Variants in PTPRR observed in about 807,000 individuals in gnomAD.
PTPRR encodes receptor-type tyrosine-protein phosphatase R.
A neutral mutation model predicts 77.2 loss-of-function variants in PTPRR; 38 were observed. That is an observed-to-expected ratio of 0.49 (90% CI 0.38 to 0.65). The LOEUF is 0.65. PTPRR is among the 30% of genes least tolerant of loss of function. PTPRR has a pLI of 0.00. For missense variants in PTPRR, 744 were observed against 799.2 expected (o/e 0.93, Z 0.83); for synonymous variants, 299 against 283.1 (o/e 1.06, Z -0.57).
At chr12:70,848,185 TAAAATATAATGACTTGA>T (rs1215252488) in intron 2 of PTPRR, among the ~76,000 whole-genome samples, 1 of 152,176 alleles carries the variant, frequency 6.6e-6, no homozygotes, top group Non-Finnish European at 1.5e-5. Context: ...ACTCTAAAAA[TAAAATATAATGACTTGA>T]TGTGTAGACA....
intron 1 of PTPRR, among the ~76,000 whole-genome samples, chr12:70,893,725 T>A (rs993912183): frequency 1.3e-5 from 2 of 151,892 alleles, no homozygotes; most frequent in African/African-American, 4.8e-5. Context: ...GGTAGGAGCA[T>A]GAGGTAGAAA....
intron 2 of PTPRR, among the ~76,000 whole-genome samples, chr12:70,850,921 CTGAG>C (rs749480257): frequency 3.9e-5 from 6 of 152,096 alleles, no homozygotes; most frequent in African/African-American, 7.2e-5. Flanking sequence ...GCTAACTCTT[CTGAG>C]TGTTTCTCCT....
Position 70,902,368 on chromosome 12 carries a change from C to A in PTPRR, c.59-9391G>T, listed in dbSNP as rs139977324. 3.9e-3 allele frequency among the ~76,000 whole-genome samples: 585 copies of A among 151,876 alleles called. 3 individuals carry two copies. Among genetic ancestry groups the A allele is most frequent in the Admixed American group, 0.013 (195 of 15,206 alleles). Reference sequence around the variant, plus strand: ...TATGAAAAAGATACTTGCAAACACACGTTTATAGCAGCACAATTCGCAATT... The same window carrying A: ...TATGAAAAAGATACTTGCAAACACAAGTTTATAGCAGCACAATTCGCAATT... On this transcript the variant is annotated intron_variant, in intron 1 of 13. Coordinates refer to ENST00000283228, the MANE Select transcript of PTPRR (RefSeq NM_002849.4).
intron 2 of PTPRR, among the ~76,000 whole-genome samples, chr12:70,793,933 G>A (rs1015490954): frequency 6.6e-6 from 1 of 152,090 alleles, no homozygotes; most frequent in Non-Finnish European, 1.5e-5. Context: ...TCAAAATGGA[G>A]CTTATGTTGA....
intron 2 of PTPRR, among the ~76,000 whole-genome samples, chr12:70,833,727 T>C (rs1892255189): frequency 6.6e-6 from 1 of 152,168 alleles, no homozygotes; most frequent in South Asian, 2.1e-4. Context: ...GAAGCTCACC[T>C]TGTATGTGGC....
intron 5 of PTPRR, among the ~76,000 whole-genome samples, chr12:70,748,639 AAC>A (rs1890288099): frequency 6.6e-6 from 1 of 152,170 alleles, no homozygotes; most frequent in African/African-American, 2.4e-5. Context: ...AAACCAGAGG[AAC>A]ACAGAAATGG....
chr12:70,720,680 C>T (rs1889218841), intron 6 of PTPRR, among the ~76,000 whole-genome samples: 1 of 151,950 alleles, frequency 6.6e-6, no homozygotes, highest in Admixed American at 6.6e-5. Context: ...GACAGGGTTT[C>T]TCCATGTTGC....
intron 2 of PTPRR, among the ~76,000 whole-genome samples, chr12:70,839,231 G>T (rs750562097): frequency 8.5e-5 from 13 of 152,122 alleles, no homozygotes; most frequent in South Asian, 2.1e-4. Context: ...TGGTCTGCCT[G>T]CCAGGACAAA....
intron 2 of PTPRR, among the ~76,000 whole-genome samples, chr12:70,787,834 A>G (rs1171641125): frequency 6.6e-6 from 1 of 152,220 alleles, no homozygotes; most frequent in Non-Finnish European, 1.5e-5. Context: ...TTTTATTATT[A>G]AGATGGATGT....
Position 70,720,614 on chromosome 12 carries a change from C to T in PTPRR, c.1008-19291G>A, listed in dbSNP as rs148365582. Among the ~76,000 whole-genome samples the T allele has an allele frequency of 7.1e-3, 1,077 of 151,014 alleles. 10 individuals carry two copies. Among genetic ancestry groups the T allele is most frequent in the East Asian group, 0.026 (132 of 5,098 alleles). ...GCAACCTCCAACTCCCGGGTTCAAG[C>T]GATTCTCCTGCCTCAGTCTCCAGAG... is the stretch of plus-strand genomic sequence containing the variant. On this transcript the variant is annotated intron_variant, in intron 6 of 13. Transcript: ENST00000283228.
At position 70,656,730 on chromosome 12, in the gene PTPRR, G is replaced by T; in HGVS notation, c.1854C>A (p.Ser618Arg). ...LKEEGVVDAL[S>R]IVCQLRMDRG... is the part of the protein sequence containing the mutation. ...TATCCATACGAAGCTGGCAGACAAT[G>T]CTTAGTGCATCCACAACTCCTTCTT... is the stretch of plus-strand genomic sequence containing the variant. The change falls in exon 13 of 14, where the codon AGC becomes AGA. Residue 618 changes from serine (S) to arginine (R), a missense_variant. Ser to Arg is a moderately radical substitution (Grantham distance 110). Coordinates refer to ENST00000283228, the MANE Select transcript of PTPRR (RefSeq NM_002849.4). 6.2e-7 allele frequency: 1 copy of T among 1,613,768 alleles called. No individual in the cohort carries two copies. The highest frequency in any genetic ancestry group is 8.5e-7 in the Non-Finnish European group (1 of 1,179,776).
At chr12:70,663,937 G>T (rs1264845004) in intron 10 of PTPRR, among the ~76,000 whole-genome samples, 1 of 152,132 alleles carries the variant, frequency 6.6e-6, no homozygotes, top group Non-Finnish European at 1.5e-5. Flanking sequence ...AGCAGCAAAA[G>T]ACTCACAAAA....
At chr12:70,813,953 C>T (rs867627239) in intron 2 of PTPRR, among the ~76,000 whole-genome samples, 1 of 152,256 alleles carries the variant, frequency 6.6e-6, no homozygotes, top group Middle Eastern at 3.4e-3. Flanking sequence ...GGGAATAGTC[C>T]TCAGAGTTCA....
chr12:70,785,577 CA>C (rs1891303911), intron 2 of PTPRR, among the ~76,000 whole-genome samples: 1 of 152,134 alleles, frequency 6.6e-6, no homozygotes, highest in South Asian at 2.1e-4. Flanking sequence ...CTTCCAAGTA[CA>C]AATTCACTGG....
rs117250199 is a variant in PTPRR, at chr12:70,840,249, C to A, written c.357+52430G>T. Among the ~76,000 whole-genome samples, 12 of 152,070 alleles carry A rather than the reference C, an allele frequency of 7.9e-5. No individual in the cohort carries two copies. The East Asian group carries it at 2.3e-3, about 30-fold the overall frequency. ...TTCTACAGGTTATCGTGTTTCTTGTCTTGTGGCCCCATTCTTCCATCTCCA... is the reference window on the plus strand; with the variant it reads ...TTCTACAGGTTATCGTGTTTCTTGTATTGTGGCCCCATTCTTCCATCTCCA... On this transcript the variant is annotated intron_variant, in intron 2 of 13. Transcript: ENST00000283228.
chr12:70,805,505 C>A (rs541841159), intron 2 of PTPRR, among the ~76,000 whole-genome samples: 1 of 152,060 alleles, frequency 6.6e-6, no homozygotes, highest in South Asian at 2.1e-4. Context: ...AAGTGGGCAC[C>A]CCCATGGTGG....
At chr12:70,823,243 AAG>A (rs1892053253) in intron 2 of PTPRR, among the ~76,000 whole-genome samples, 1 of 152,174 alleles carries the variant, frequency 6.6e-6, no homozygotes, top group African/African-American at 2.4e-5. Context: ...AAACTAGAAT[AAG>A]AGTGAAACAA....
intron 9 of PTPRR, 84 bp from the exon 10 acceptor site, chr12:70,684,348 T>C: frequency 1.4e-6 from 2 of 1,444,386 alleles, no homozygotes; most frequent in Non-Finnish European, 9.5e-7. Context: ...TTCAACGAAA[T>C]AGCTGGGCTA....
chr12:70,660,383 T>C (rs12581294), intron 12 of PTPRR, among the ~76,000 whole-genome samples: 15,993 of 152,142 alleles, frequency 0.11, 1,418 homozygotes, highest in East Asian at 0.46. Flanking sequence ...TAGTGCTCCA[T>C]GTTCTGGTAA....
Sources: gnomAD v4.1 joint callset for allele counts (sites outside exome capture counted in the v4.1 genomes callset) on GRCh38, gnomAD v4.1.1 for gene constraint, MANE v1.5 for transcripts, NCBI Gene and HGNC (gene_info 2026-07-23, HGNC 2026-07-21) for gene names.